Variants in PPP3R1 observed in about 807,000 individuals in gnomAD.
PPP3R1 encodes calcineurin subunit B type 1.
A neutral mutation model predicts 22.6 loss-of-function variants in PPP3R1; 5 were observed. That is an observed-to-expected ratio of 0.22 (90% CI 0.12 to 0.46). PPP3R1 has a LOEUF of 0.46. Among genes scored for constraint, PPP3R1 ranks in the 20% least tolerant of loss-of-function variants. PPP3R1 has a pLI of 0.99. For synonymous variants in PPP3R1, 56 were observed against 65.2 expected (o/e 0.86, Z 0.68); for missense variants, 61 against 203.2 (o/e 0.30, Z 4.25).
intron 2 of PPP3R1, among the ~76,000 whole-genome samples, chr2:68,198,402 T>C (rs1223679204): frequency 9.2e-5 from 9 of 97,414 alleles, no homozygotes; most frequent in Admixed American, 3.3e-4. Flanking sequence ...TGTATATATA[T>C]GTGTATGTAT....
intron 2 of PPP3R1, among the ~76,000 whole-genome samples, chr2:68,199,711 G>C (rs1323243957): frequency 6.6e-6 from 1 of 152,124 alleles, no homozygotes; most frequent in Non-Finnish European, 1.5e-5. Context: ...TTACTGAGAA[G>C]ATGTTTTTCT....
chr2:68,191,246 C>T (rs1674660928), intron 2 of PPP3R1, among the ~76,000 whole-genome samples: 1 of 152,164 alleles, frequency 6.6e-6, no homozygotes, highest in South Asian at 2.1e-4. Flanking sequence ...TGTGGGACAG[C>T]CTACTACACA....
chr2:68,209,128 G>A (rs1204917681), intron 2 of PPP3R1, among the ~76,000 whole-genome samples: 3 of 150,606 alleles, frequency 2.0e-5, no homozygotes, highest in Non-Finnish European at 4.4e-5. Context: ...GGAGGCCGAG[G>A]CGGGCGGATC....
chr2:68,206,546 A>G (rs1202078739), intron 2 of PPP3R1, among the ~76,000 whole-genome samples: 1 of 152,188 alleles, frequency 6.6e-6, no homozygotes, highest in Non-Finnish European at 1.5e-5. Context: ...GGTAACATAT[A>G]AGGAGACTGA....
intron 1 of PPP3R1, among the ~76,000 whole-genome samples, chr2:68,238,239 C>G (rs1670053482): frequency 6.6e-6 from 1 of 152,108 alleles, no homozygotes; most frequent in African/African-American, 2.4e-5. Context: ...ATCCACTGCC[C>G]TCGAGGAGCC....
chr2:68,219,717 C>T (rs1174589691), intron 1 of PPP3R1, among the ~76,000 whole-genome samples: 1 of 152,150 alleles, frequency 6.6e-6, no homozygotes, highest in Non-Finnish European at 1.5e-5. Context: ...CTGTGAGAGA[C>T]ATACCCAATA....
chr2:68,198,300 T>C (rs907095439), intron 2 of PPP3R1, among the ~76,000 whole-genome samples: 2 of 141,778 alleles, frequency 1.4e-5, no homozygotes, highest in African/African-American at 2.8e-5. Flanking sequence ...TACACATGTA[T>C]ACATGTATAC....
At position 68,252,204 on chromosome 2, in the gene PPP3R1, G is replaced by T; in HGVS notation, c.-77C>A. The T allele has an allele frequency of 8.0e-7, 1 of 1,246,318 alleles. No homozygotes were observed. The highest frequency in any genetic ancestry group is 1.0e-6 in the Non-Finnish European group (1 of 968,152). The allele number at this position is 1,246,318 out of a possible 1,614,324, so 77.2% of individuals were successfully genotyped here. On this transcript the variant is annotated 5_prime_UTR_variant, in exon 1 of 6. Transcript: ENST00000234310. ...CGCTCAGGCTGGCTCGCAGGAAACG[G>T]CGGCGGCGGCCCAGCTGCGGCCCTC...
In PPP3R1 at chr2:68,186,593, G is replaced by C; in HGVS notation, c.340C>G (p.Gln114Glu). Residue 114 changes from glutamine to glutamate, a missense_variant, in exon 5 of 6, where the codon CAG becomes GAG. Transcript: ENST00000234310. Reference protein sequence around the residue: ...DGYISNGELFQVLKMMVGNNL... With the variant: ...DGYISNGELFEVLKMMVGNNL... The stretch of plus-strand genomic sequence containing the variant: ...TTCCCCACCATCATCTTCAATACCT[G>C]GAAGAGTTCCCCATTGGAAATATAG... The C allele has an allele frequency of 6.2e-7, 1 of 1,612,590 alleles. No homozygotes were observed.
intron 1 of PPP3R1, among the ~76,000 whole-genome samples, chr2:68,246,720 T>C (rs906619289): frequency 1.6e-4 from 25 of 152,190 alleles, no homozygotes; most frequent in Non-Finnish European, 1.3e-4. Flanking sequence ...CTCCTCATCC[T>C]CTACCTGCCT....
intron 2 of PPP3R1, among the ~76,000 whole-genome samples, chr2:68,208,090 T>C (rs546501377): frequency 7.2e-5 from 11 of 152,108 alleles, no homozygotes; most frequent in Non-Finnish European, 1.3e-4. Flanking sequence ...GAGGTGGAGG[T>C]TGCAGTGAGC....
At position 68,209,672 on chromosome 2, in the gene PPP3R1, C is replaced by T. The variant is rs182443564; in HGVS notation, c.43+7420G>A. On this transcript the variant is annotated intron_variant, in intron 2 of 5. Transcript: ENST00000234310. ...ACTCCAGAGGCTGAGGTAGGAGAATCGCTTGAGCCCCAGTGAGCCAGGCTG... is the reference window on the plus strand; with the variant it reads ...ACTCCAGAGGCTGAGGTAGGAGAATTGCTTGAGCCCCAGTGAGCCAGGCTG... Among the ~76,000 whole-genome samples, 760 of 151,958 alleles carry T rather than the reference C, an allele frequency of 5.0e-3. 3 individuals are homozygous for T. The highest frequency in any genetic ancestry group is 8.3e-3 in the Non-Finnish European group (567 of 67,968).
At chr2:68,224,872 T>C (rs1299352173) in intron 1 of PPP3R1, among the ~76,000 whole-genome samples, 2 of 152,032 alleles carry the variant, frequency 1.3e-5, no homozygotes, top group Non-Finnish European at 2.9e-5. Flanking sequence ...AAAAATGACA[T>C]GAAGACTTGA....
intron 2 of PPP3R1, among the ~76,000 whole-genome samples, chr2:68,196,591 A>G (rs1674778730): frequency 1.3e-5 from 2 of 152,206 alleles, no homozygotes; most frequent in Admixed American, 1.3e-4. Flanking sequence ...GAGAAATATA[A>G]TCTTAGACTG....
intron 2 of PPP3R1, among the ~76,000 whole-genome samples, chr2:68,212,732 A>G (rs995450065): frequency 5.9e-5 from 9 of 152,120 alleles, no homozygotes; most frequent in African/African-American, 2.2e-4. Flanking sequence ...TTCCATTTAG[A>G]GAGCACAGGA....
chr2:68,198,375 A>G (rs1674872220), intron 2 of PPP3R1, among the ~76,000 whole-genome samples: 4 of 90,414 alleles, frequency 4.4e-5, no homozygotes, highest in African/African-American at 1.4e-4. Flanking sequence ...ATATATGTAC[A>G]TGTATATGCA....
intron 2 of PPP3R1, among the ~76,000 whole-genome samples, chr2:68,210,813 C>G (rs6731036): frequency 0.25 from 37,807 of 152,076 alleles, 4,955 homozygotes; most frequent in African/African-American, 0.31. Flanking sequence ...CCAAAATGTT[C>G]TGAAATATGA....
intron 1 of PPP3R1, among the ~76,000 whole-genome samples, chr2:68,249,997 G>C (rs554350234): frequency 7.2e-4 from 110 of 152,258 alleles, no homozygotes; most frequent in South Asian, 2.3e-3. Context: ...ATTTATTTGG[G>C]TTAATCGACA....
chr2:68,232,977 T>C (rs35626894), intron 1 of PPP3R1, among the ~76,000 whole-genome samples: 3,439 of 152,336 alleles, frequency 0.023, 87 homozygotes, highest in Non-Finnish European at 0.038. Flanking sequence ...GGCTACTATC[T>C]ACTATAATCT....
Sources: allele counts gnomAD v4.1 joint callset (sites outside exome capture counted in the v4.1 genomes callset), GRCh38; gene constraint gnomAD v4.1.1; transcripts MANE v1.5; gene names NCBI Gene and HGNC (gene_info 2026-07-23, HGNC 2026-07-21).